The following BCL2 variants were observed in gnomAD, a reference collection of about 807,000 sequenced individuals.
BCL2 encodes the protein apoptosis regulator Bcl-2.
BCL2 carries 1 observed loss-of-function variant against 14.2 expected under a neutral mutation model. The ratio of observed to expected loss-of-function variants is 0.07; its 90% CI spans 0.02 to 0.33. BCL2 has a LOEUF of 0.33. Among genes scored for constraint, BCL2 ranks in the 10% least tolerant of loss-of-function variants. BCL2 has a pLI of 0.99. For synonymous variants in BCL2, 151 were observed against 137.2 expected (o/e 1.10, Z -0.70); for missense variants, 247 against 305.9 (o/e 0.81, Z 1.44).
rs1265409068 is a variant in BCL2, at chr18:63,127,532, CAGCT to C, written c.*1089_*1092del. On this transcript the variant is annotated 3_prime_UTR_variant, in exon 3 of 3. Coordinates refer to ENST00000333681, the MANE Select transcript of BCL2 (RefSeq NM_000633.3). ...TTGACAGTGGAATTCTGAGCTCCAT[CAGCT>C]TCCAGACATTCGGAGACCACACTGC... 4.3e-6 allele frequency: 1 copy of C among 231,538 alleles called. No individual in the cohort carries two copies. The highest frequency in any genetic ancestry group is 8.5e-6 in the Non-Finnish European group (1 of 116,988). 14.3% of individuals were successfully genotyped at this position (231,538 alleles called of 1,614,324 possible).
intron 2 of BCL2, among the ~76,000 whole-genome samples, chr18:63,242,129 T>C (rs1030963312): frequency 2.0e-5 from 3 of 146,712 alleles, no homozygotes; most frequent in African/African-American, 7.5e-5. Context: ...GAAAAAAAAA[T>C]GAAATTTGAG....
At chr18:63,285,972 C>CCCT (rs1912460686) in intron 2 of BCL2, among the ~76,000 whole-genome samples, 1 of 152,226 alleles carries the variant, frequency 6.6e-6, no homozygotes, top group East Asian at 1.9e-4. Flanking sequence ...GTCCTTTCTG[C>CCCT]AACAGCAGCC....
intron 2 of BCL2, among the ~76,000 whole-genome samples, chr18:63,205,154 T>C (rs188653672): frequency 5.8e-4 from 89 of 152,306 alleles, no homozygotes; most frequent in Non-Finnish European, 1.1e-3. Flanking sequence ...TGACAAAGCT[T>C]GAAAAAGTTG....
intron 2 of BCL2, among the ~76,000 whole-genome samples, chr18:63,291,989 C>G (rs1250991346): frequency 6.6e-6 from 1 of 152,044 alleles, no homozygotes; most frequent in Non-Finnish European, 1.5e-5. Flanking sequence ...GCTGGGCTCA[C>G]AGGAGAGCTA....
At chr18:63,245,888 G>A (rs150510847) in intron 2 of BCL2, among the ~76,000 whole-genome samples, 20 of 152,256 alleles carry the variant, frequency 1.3e-4, no homozygotes, top group Admixed American at 6.5e-4. Flanking sequence ...AACTTAGCCC[G>A]ATTGAATTTG....
At chr18:63,184,175 G>C (rs1915539772) in intron 2 of BCL2, among the ~76,000 whole-genome samples, 1 of 152,246 alleles carries the variant, frequency 6.6e-6, no homozygotes, top group Admixed American at 6.5e-5. Flanking sequence ...TGGATAAGGA[G>C]CCTTGACCAA....
chr18:63,171,346 T>C (rs753165941), intron 2 of BCL2, among the ~76,000 whole-genome samples: 14 of 152,248 alleles, frequency 9.2e-5, no homozygotes, highest in Non-Finnish European at 2.1e-4. Context: ...ATAGTGTGTC[T>C]ACCCTGCAAT....
intron 2 of BCL2, among the ~76,000 whole-genome samples, chr18:63,239,653 T>C (rs1012650028): frequency 2.6e-5 from 4 of 152,074 alleles, no homozygotes; most frequent in South Asian, 4.1e-4. Context: ...GGCAGGAGAA[T>C]TGCTTGAACC....
chr18:63,220,393 G>T (rs549934564), intron 2 of BCL2, among the ~76,000 whole-genome samples: 1 of 152,108 alleles, frequency 6.6e-6, no homozygotes, highest in Non-Finnish European at 1.5e-5. Flanking sequence ...TACAACCACT[G>T]TATCAGTGCT....
chr18:63,181,042 T>C (rs1469288728), intron 2 of BCL2, among the ~76,000 whole-genome samples: 1 of 152,218 alleles, frequency 6.6e-6, no homozygotes, highest in Non-Finnish European at 1.5e-5. Flanking sequence ...TGCACTCTCA[T>C]GGCTCACGAC....
At chr18:63,178,899 CAAAAAA>C (rs111876869) in intron 2 of BCL2, among the ~76,000 whole-genome samples, 1 of 132,920 alleles carries the variant, frequency 7.5e-6, no homozygotes, top group Non-Finnish European at 1.6e-5. Context: ...GGGTTCAAGG[CAAAAAA>C]AAAAAAAAAA....
At chr18:63,230,973 C>T (rs1000203802) in intron 2 of BCL2, among the ~76,000 whole-genome samples, 1 of 151,760 alleles carries the variant, frequency 6.6e-6, no homozygotes, top group Non-Finnish European at 1.5e-5. Context: ...CTTTAATATA[C>T]ATATTTGAGA....
At chr18:63,212,009 T>C (rs1327407418) in intron 2 of BCL2, among the ~76,000 whole-genome samples, 1 of 152,188 alleles carries the variant, frequency 6.6e-6, no homozygotes, top group Non-Finnish European at 1.5e-5. Context: ...CATTTTTAGT[T>C]GCCCCTAACC....
Position 63,124,453 on chromosome 18 carries a change from T to C in BCL2, c.*4172A>G. On this transcript the variant is annotated 3_prime_UTR_variant, in exon 3 of 3. Coordinates refer to ENST00000333681, the MANE Select transcript of BCL2 (RefSeq NM_000633.3). ...AAAGGTCGTACCACAAACTTCAAAA[T>C]GTTTCTCATTTGTCACACAAGGTTC... The C allele has an allele frequency of 4.3e-6, 1 of 231,612 alleles. No individual in the cohort carries two copies. Among genetic ancestry groups the C allele is most frequent in the Non-Finnish European group, 8.6e-6 (1 of 116,956 alleles). 14.3% of individuals were successfully genotyped at this position (231,612 alleles called of 1,614,324 possible). A position where few individuals can be genotyped will look rare whatever the true frequency, so the allele number is the denominator to read the frequency against.
At chr18:63,163,175 C>A (rs1052929954) in intron 2 of BCL2, among the ~76,000 whole-genome samples, 1 of 152,112 alleles carries the variant, frequency 6.6e-6, no homozygotes, top group Non-Finnish European at 1.5e-5. Flanking sequence ...TGTATCTTTA[C>A]CTTCTGGGAG....
chr18:63,273,641 G>T (rs1433971159), intron 2 of BCL2, among the ~76,000 whole-genome samples: 10 of 152,214 alleles, frequency 6.6e-5, no homozygotes, highest in Non-Finnish European at 1.5e-4. Flanking sequence ...TCGTGTCTAT[G>T]AAATGAGAGA....
chr18:63,288,600 C>T (rs1468588896), intron 2 of BCL2, among the ~76,000 whole-genome samples: 2 of 152,238 alleles, frequency 1.3e-5, no homozygotes, highest in South Asian at 2.1e-4. Flanking sequence ...GTCTTTTGTC[C>T]ATATTTCAGA....
chr18:63,262,338 A>T (rs762155579), intron 2 of BCL2, among the ~76,000 whole-genome samples: 2 of 152,220 alleles, frequency 1.3e-5, no homozygotes, highest in African/African-American at 2.4e-5. Flanking sequence ...AGTAGTTGGT[A>T]GTGTGGCTGA....
chr18:63,165,394 T>C (rs1915018728), intron 2 of BCL2, among the ~76,000 whole-genome samples: 2 of 152,344 alleles, frequency 1.3e-5, no homozygotes, highest in South Asian at 4.1e-4. Flanking sequence ...TTCATTGTTC[T>C]CTGACTGCCT....
Sources: allele counts gnomAD v4.1 joint callset (sites outside exome capture counted in the v4.1 genomes callset), GRCh38; gene constraint gnomAD v4.1.1; transcripts MANE v1.5; gene names NCBI Gene and HGNC (gene_info 2026-07-23, HGNC 2026-07-21).